Variants in HSPH1 observed in about 807,000 individuals in gnomAD.
HSPH1 encodes heat shock protein family H (Hsp110) member 1, also known as heat shock protein 105 kDa.
Under a neutral mutation model 100.0 loss-of-function variants are expected in HSPH1, and 40 were observed. The observed-to-expected ratio is 0.40, with a 90% CI of 0.31 to 0.52. The LOEUF is 0.52. HSPH1 is among the 20% of genes least tolerant of loss of function. The pLI, the probability that HSPH1 is intolerant of heterozygous loss-of-function variation, is 0.54. For synonymous variants in HSPH1, 403 were observed against 344.0 expected, an observed-to-expected ratio of 1.17 and a Z score of -1.90; for missense variants, 876 against 1,015.1, an observed-to-expected ratio of 0.86 and a Z score of 1.86.
In HSPH1 at chr13:31,161,619, T is replaced by C; in HGVS notation, c.-37A>G. The C allele has an allele frequency of 6.2e-7, 1 of 1,607,984 alleles. No individual in the cohort carries two copies. ...GGTCCGCCTCCGCCTCGGGTCTCGG[T>C]CTGCGTCCTCCGGCCCCCTGCCTGC... is the stretch of plus-strand genomic sequence containing the variant. On this transcript the variant is annotated 5_prime_UTR_variant, in exon 1 of 18. Coordinates refer to ENST00000320027, the MANE Select transcript of HSPH1 (RefSeq NM_006644.4).
intron 2 of HSPH1, among the ~76,000 whole-genome samples, chr13:31,156,515 G>T (rs1367760870): frequency 6.6e-6 from 1 of 151,250 alleles, no homozygotes; most frequent in Non-Finnish European, 1.5e-5. Flanking sequence ...AGTGAGCCAA[G>T]ATAGTGCCAT....
intron 6 of HSPH1, 166 bp from the exon 7 acceptor site, chr13:31,151,357 G>C (rs954470150): frequency 8.1e-6 from 6 of 739,930 alleles, no homozygotes; most frequent in Non-Finnish European, 1.3e-5. Context: ...AGATATTTTT[G>C]ACTTTTAAAT....
chr13:31,160,825 C>T (rs1478894766), intron 1 of HSPH1, among the ~76,000 whole-genome samples: 6 of 152,202 alleles, frequency 3.9e-5, no homozygotes, highest in African/African-American at 1.4e-4. Flanking sequence ...TGATCCCGGG[C>T]ATTAAGGCCA....
Position 31,150,029 on chromosome 13 carries a change from A to G in HSPH1, c.1062T>C (p.Ile354=). 6.2e-7 allele frequency: 1 copy of G among 1,613,876 alleles called. No individual in the cohort carries two copies. Among genetic ancestry groups the G allele is most frequent in the Non-Finnish European group, 8.5e-7 (1 of 1,179,836 alleles). The change falls in exon 8 of 18, where the codon ATT becomes ATC. Residue 354 remains isoleucine (I), a synonymous_variant. Transcript: ENST00000320027. ...ATRIPAVKER[I]AKFFGKDIST... Reference sequence around the variant, plus strand: ...TAATATCTTTTCCAAAGAATTTGGCAATTCTTTCCTTCACAGCTGGAATTC... The same window carrying G: ...TAATATCTTTTCCAAAGAATTTGGCGATTCTTTCCTTCACAGCTGGAATTC...
chr13:31,148,091 C>T lies in HSPH1; in HGVS notation c.1246G>A (p.Val416Ile), dbSNP rs200964846. Residue 416 changes from valine (V) to isoleucine (I), a missense_variant and splice_region_variant, in exon 10 of 18, where the codon GTT (valine) becomes ATT (isoleucine). Val to Ile is a conservative substitution (Grantham distance 29, BLOSUM62 3). Coordinates refer to ENST00000320027, the MANE Select transcript of HSPH1 (RefSeq NM_006644.4). ...WNHDSEDTEG[V>I]HEVFSRNHAA... ...TGGTTTCGACTAAAGACTTCATGAA[C>T]ACTAGAGAGAAAAGAAAAAGGCATT... 242 of 1,604,528 alleles carry T rather than the reference C, an allele frequency of 1.5e-4. No homozygotes were observed. Among genetic ancestry groups the T allele is most frequent in the Non-Finnish European group, 1.9e-4 (228 of 1,177,360 alleles).
At chr13:31,142,655 A>G (rs1028994118) in intron 12 of HSPH1, among the ~76,000 whole-genome samples, 2 of 152,078 alleles carry the variant, frequency 1.3e-5, no homozygotes, top group African/African-American at 4.8e-5. Context: ...GCATTTCAAC[A>G]TGGAATGGAT....
At chr13:31,151,449 C>A in intron 6 of HSPH1, 160 bp downstream of exon 6, 1 of 705,456 alleles carries the variant, frequency 1.4e-6, no homozygotes, top group Non-Finnish European at 2.3e-6. Flanking sequence ...ATTACATCAT[C>A]TTTATGGAGC....
chr13:31,137,538 A>G lies in HSPH1; in HGVS notation c.2371-14T>C. On this transcript the variant is annotated splice_polypyrimidine_tract_variant and intron_variant, in intron 17 of 17. Transcript: ENST00000320027. ...GTTGTTCAATTCCTAAAGAAAACAAAAACTAGTTATCAGATTAACTCAGAT... is the reference window on the plus strand; with the variant it reads ...GTTGTTCAATTCCTAAAGAAAACAAGAACTAGTTATCAGATTAACTCAGAT... 2 of 1,595,402 alleles carry G rather than the reference A, an allele frequency of 1.3e-6. No individual in the cohort carries two copies. The highest frequency in any genetic ancestry group is 1.7e-6 in the Non-Finnish European group (2 of 1,167,716).
chr13:31,159,828 A>C (rs1466439061), intron 1 of HSPH1, among the ~76,000 whole-genome samples: 1 of 152,138 alleles, frequency 6.6e-6, no homozygotes, highest in East Asian at 1.9e-4. Flanking sequence ...GCAAGTGTTA[A>C]ATAAAATAGC....
At chr13:31,148,345 G>C (rs201801493) in intron 9 of HSPH1, 29 bp downstream of exon 9, 2 of 1,293,380 alleles carry the variant, frequency 1.5e-6, no homozygotes, top group African/African-American at 1.5e-5. Flanking sequence ...TTACATTATA[G>C]TATCTGAATG....
chr13:31,150,818 CCAGCCA>C, intron 7 of HSPH1, 123 bp downstream of exon 7: 1 of 906,286 alleles, frequency 1.1e-6, no homozygotes, highest in South Asian at 1.8e-5. Flanking sequence ...AACAGCATCT[CCAGCCA>C]CAGGCATGTA....
chr13:31,140,840 AGT>A, intron 13 of HSPH1: 1 of 252,288 alleles, frequency 4.0e-6, no homozygotes, highest in African/African-American at 2.2e-5. Flanking sequence ...AGAAATATTT[AGT>A]GTGCCGTGAA....
At chr13:31,158,548 C>CA (rs11363658) in intron 2 of HSPH1, among the ~76,000 whole-genome samples, 5,063 of 63,822 alleles carry the variant, frequency 0.079, 423 homozygotes, top group African/African-American at 0.13. Context: ...GACTCTATCT[C>CA]AAAAAAAAAA....
chr13:31,160,015 C>G (rs1392321478), intron 1 of HSPH1, among the ~76,000 whole-genome samples: 1 of 152,120 alleles, frequency 6.6e-6, no homozygotes, highest in Non-Finnish European at 1.5e-5. Context: ...ATAGAATCCA[C>G]CACAATTATA....
intron 8 of HSPH1, among the ~76,000 whole-genome samples, chr13:31,149,124 C>T (rs1262824852): frequency 1.3e-5 from 2 of 152,012 alleles, no homozygotes; most frequent in African/African-American, 2.4e-5. Flanking sequence ...AAACTTCCAT[C>T]ATTTGAAGGA....
chr13:31,147,428 T>A (rs908135610), intron 10 of HSPH1, among the ~76,000 whole-genome samples: 1 of 144,500 alleles, frequency 6.9e-6, no homozygotes, highest in Non-Finnish European at 1.5e-5. Flanking sequence ...ACCTATGGTC[T>A]GGGAAAGAGA....
At chr13:31,158,548 C>CAAAA (rs11363658) in intron 2 of HSPH1, among the ~76,000 whole-genome samples, 13 of 63,828 alleles carry the variant, frequency 2.0e-4, no homozygotes, top group South Asian at 6.8e-4. Flanking sequence ...GACTCTATCT[C>CAAAA]AAAAAAAAAA....
chr13:31,161,996 G>GC, upstream of HSPH1: 1 of 1,536,052 alleles, frequency 6.5e-7, no homozygotes, highest in Non-Finnish European at 8.7e-7. Flanking sequence ...GCCTCCACCG[G>GC]CCCCTCCACG....
At chr13:31,158,763 CT>C in intron 2 of HSPH1, 42 bp downstream of exon 2, 2 of 1,263,718 alleles carry the variant, frequency 1.6e-6, no homozygotes, top group Non-Finnish European at 2.3e-6. Context: ...CTTTTAAAAA[CT>C]CCCCCCTTAA....
Sources: gnomAD v4.1 joint callset for allele counts (sites outside exome capture counted in the v4.1 genomes callset) on GRCh38, gnomAD v4.1.1 for gene constraint, MANE v1.5 for transcripts, NCBI Gene and HGNC (gene_info 2026-07-23, HGNC 2026-07-21) for gene names.